LMBR1: variants seen among roughly 807,000 people sequenced by gnomAD.
LMBR1 encodes limb development membrane protein 1, also known as limb region 1 protein homolog.
A neutral mutation model predicts 73.9 loss-of-function variants in LMBR1; 52 were observed. The observed-to-expected ratio is 0.70, with a 90% CI of 0.56 to 0.89. The LOEUF (loss-of-function observed/expected upper bound fraction) is 0.89, where lower values mean the gene tolerates loss of function less well. Among genes scored for constraint, LMBR1 ranks in the 40% least tolerant of loss-of-function variants. The pLI, the probability that LMBR1 is intolerant of heterozygous loss-of-function variation, is 0.00. For missense variants in LMBR1, 539 were observed against 579.8 expected (o/e 0.93, Z 0.72); for synonymous variants, 215 against 209.4 (o/e 1.03, Z -0.23).
intron 1 of LMBR1, among the ~76,000 whole-genome samples, chr7:156,882,274 T>C (rs910036343): frequency 9.9e-5 from 15 of 152,104 alleles, no homozygotes; most frequent in Non-Finnish European, 4.4e-5. Flanking sequence ...AGACATCGTC[T>C]CTACAAAAAA....
chr7:156,759,123 AC>A (rs2132851164), intron 8 of LMBR1, among the ~76,000 whole-genome samples: 1 of 152,384 alleles, frequency 6.6e-6, no homozygotes, highest in African/African-American at 2.4e-5. Flanking sequence ...TAAAGTCATA[AC>A]CGTGGCTTAA....
intron 2 of LMBR1, among the ~76,000 whole-genome samples, chr7:156,834,253 G>A (rs554955401): frequency 2.6e-5 from 4 of 152,096 alleles, no homozygotes; most frequent in African/African-American, 9.6e-5. Flanking sequence ...GAGTCTCCTG[G>A]ACCATCCTAA....
intron 15 of LMBR1, among the ~76,000 whole-genome samples, chr7:156,696,004 C>T (rs1435415782): frequency 6.6e-6 from 1 of 152,022 alleles, no homozygotes; most frequent in Non-Finnish European, 1.5e-5. Context: ...TAACTGGCAA[C>T]CAGTATGGAA....
chr7:156,715,734 A>G (rs1314242490), intron 15 of LMBR1, among the ~76,000 whole-genome samples: 2 of 152,136 alleles, frequency 1.3e-5, no homozygotes, highest in Non-Finnish European at 2.9e-5. Context: ...TGCCTTTTTG[A>G]GACTGGCTTA....
chr7:156,761,100 C>A (rs1320279835), intron 8 of LMBR1, among the ~76,000 whole-genome samples: 2 of 152,124 alleles, frequency 1.3e-5, no homozygotes, highest in African/African-American at 2.4e-5. Flanking sequence ...ATGCATAGAG[C>A]CTATTCAGAG....
At chr7:156,692,019 C>T (rs977725149) in intron 15 of LMBR1, among the ~76,000 whole-genome samples, 1 of 151,988 alleles carries the variant, frequency 6.6e-6, no homozygotes, top group Non-Finnish European at 1.5e-5. Flanking sequence ...CATCATAAAA[C>T]GAAAGAGAGG....
chr7:156,704,876 T>C (rs1196321951), intron 15 of LMBR1, among the ~76,000 whole-genome samples: 1 of 151,250 alleles, frequency 6.6e-6, no homozygotes, highest in Non-Finnish European at 1.5e-5. Flanking sequence ...GAAAGACAGG[T>C]CTTTTGAAAT....
At chr7:156,804,804 C>T (rs1831702571) in intron 4 of LMBR1, among the ~76,000 whole-genome samples, 2 of 139,766 alleles carry the variant, frequency 1.4e-5, no homozygotes, top group African/African-American at 2.6e-5. Context: ...TCTCTTTATT[C>T]TCTTAACAGT....
intron 4 of LMBR1, among the ~76,000 whole-genome samples, chr7:156,804,868 A>C (rs1212934401): frequency 6.6e-6 from 1 of 152,080 alleles, no homozygotes; most frequent in Admixed American, 6.5e-5. Flanking sequence ...TTTTTCTTTT[A>C]TGGATTGTGC....
At chr7:156,717,306 G>A (rs888686472) in intron 15 of LMBR1, among the ~76,000 whole-genome samples, 2 of 152,198 alleles carry the variant, frequency 1.3e-5, no homozygotes, top group Admixed American at 1.3e-4. Flanking sequence ...AGGAGAGAGA[G>A]AAATGACAGG....
intron 5 of LMBR1, among the ~76,000 whole-genome samples, chr7:156,768,626 T>C (rs1824593253): frequency 1.3e-5 from 2 of 152,128 alleles, no homozygotes; most frequent in African/African-American, 4.8e-5. Flanking sequence ...AGCAGTGGAT[T>C]AGGAAATAGG....
At chr7:156,694,386 A>T (rs1807850631) in intron 15 of LMBR1, among the ~76,000 whole-genome samples, 1 of 150,486 alleles carries the variant, frequency 6.6e-6, no homozygotes, top group Non-Finnish European at 1.5e-5. Flanking sequence ...ACCCACCTTG[A>T]CCTCCCAAAG....
chr7:156,770,813 C>T (rs1042126565), intron 5 of LMBR1, among the ~76,000 whole-genome samples: 1 of 152,086 alleles, frequency 6.6e-6, no homozygotes, highest in Non-Finnish European at 1.5e-5. Flanking sequence ...ACTTGGGAGG[C>T]TGAAGTGGGA....
chr7:156,704,664 A>G (rs1407036192), intron 15 of LMBR1, among the ~76,000 whole-genome samples: 3 of 151,856 alleles, frequency 2.0e-5, no homozygotes, highest in Non-Finnish European at 4.4e-5. Context: ...AACAAGCTCA[A>G]TGAGATGTAA....
intron 15 of LMBR1, among the ~76,000 whole-genome samples, chr7:156,706,397 C>T (rs915216705): frequency 6.6e-6 from 1 of 152,058 alleles, no homozygotes; most frequent in South Asian, 2.1e-4. Flanking sequence ...CTTGGTGCAA[C>T]GGACCTAAAA....
At chr7:156,672,788 C>T (rs57026602) in intron 4 of LMBR1, among the ~76,000 whole-genome samples, 2,080 of 152,330 alleles carry the variant, frequency 0.014, 38 homozygotes, top group African/African-American at 0.047. Flanking sequence ...TCTGAAAGCG[C>T]ACGCACAGCG....
chr7:156,880,396 T>C (rs979484892), intron 1 of LMBR1, among the ~76,000 whole-genome samples: 6 of 152,060 alleles, frequency 3.9e-5, no homozygotes, highest in African/African-American at 1.4e-4. Flanking sequence ...CTGGATTCAG[T>C]GTATACTGCT....
chr7:156,754,111 C>T (rs1269805488), intron 9 of LMBR1, among the ~76,000 whole-genome samples: 1 of 152,130 alleles, frequency 6.6e-6, no homozygotes, highest in Non-Finnish European at 1.5e-5. Flanking sequence ...AACAAGATGG[C>T]TTATTCAGGA....
At chr7:156,841,823 G>C (rs963796609) in intron 1 of LMBR1, among the ~76,000 whole-genome samples, 4 of 152,056 alleles carry the variant, frequency 2.6e-5, no homozygotes, top group Non-Finnish European at 4.4e-5. Context: ...CCAGGAGTTT[G>C]ATTATAAAGA....
Sources: allele counts gnomAD v4.1 joint callset (sites outside exome capture counted in the v4.1 genomes callset), GRCh38; gene constraint gnomAD v4.1.1; transcripts MANE v1.5; gene names NCBI Gene and HGNC (gene_info 2026-07-23, HGNC 2026-07-21).